KIAA0319L: variants seen among roughly 807,000 people sequenced by gnomAD.
The protein encoded by KIAA0319L is dyslexia-associated protein KIAA0319-like protein.
Under a neutral mutation model 120.1 loss-of-function variants are expected in KIAA0319L, and 55 were observed. The observed-to-expected ratio is 0.46, with a 90% CI of 0.37 to 0.57. KIAA0319L has a LOEUF of 0.57. Among genes scored for constraint, KIAA0319L ranks in the 20% least tolerant of loss-of-function variants. The pLI is 0.00. For missense variants in KIAA0319L, 1,049 were observed against 1,255.3 expected (o/e 0.84, Z 2.48); for synonymous variants, 398 against 471.9 (o/e 0.84, Z 2.03).
chr1:35,506,981 C>A lies in KIAA0319L; in HGVS notation c.297G>T (p.Trp99Cys), dbSNP rs961707038. 2.5e-6 allele frequency: 4 copies of A among 1,613,434 alleles called. No homozygotes were observed. The African/African-American group carries it at 5.3e-5, about 22-fold the overall frequency. Residue 99 changes from tryptophan to cysteine, a missense_variant, in exon 3 of 21, where the codon TGG (tryptophan) becomes TGT (cysteine). Physicochemically the swap from Trp to Cys is radical, Grantham distance 215 (BLOSUM62 -2). Coordinates refer to ENST00000325722, the MANE Select transcript of KIAA0319L (RefSeq NM_024874.5). This position sits in a 1 kb window ranked among gnomAD's most constrained non-coding sequence, Gnocchi z 4.0. ...CCQDSACHVF[W>C]WLEGMCIQAD... ...CCTGAATGCACATCCCTTCTAGCCACCAAAAGACATGGCAGGCAGAGTCCT... is the reference window on the plus strand; with the variant it reads ...CCTGAATGCACATCCCTTCTAGCCAACAAAAGACATGGCAGGCAGAGTCCT...
intron 14 of KIAA0319L, 56 bp downstream of exon 14, chr1:35,450,302 C>T (rs1013538070): frequency 1.8e-5 from 27 of 1,542,042 alleles, no homozygotes; most frequent in Non-Finnish European, 2.0e-5. Context: ...TACTGGAACG[C>T]GTGGCTCCTC....
chr1:35,444,804 A>ATCAAAGATTATCCATAGG (rs1553189778), intron 16 of KIAA0319L, among the ~76,000 whole-genome samples: 1 of 152,244 alleles, frequency 6.6e-6, no homozygotes, highest in African/African-American at 2.4e-5. Flanking sequence ...GTTGGACAGC[A>ATCAAAGATTATCCATAGG]TCACAACATA....
chr1:35,455,376 C>A (rs968075876), intron 10 of KIAA0319L, among the ~76,000 whole-genome samples: 1 of 152,054 alleles, frequency 6.6e-6, no homozygotes, highest in Non-Finnish European at 1.5e-5. Flanking sequence ...ATGTTACCTG[C>A]CTGGTGACAG....
At chr1:35,519,681 G>C (rs1189028075) in intron 2 of KIAA0319L, among the ~76,000 whole-genome samples, 1 of 152,028 alleles carries the variant, frequency 6.6e-6, no homozygotes, top group Non-Finnish European at 1.5e-5. Context: ...GCTCAAACCA[G>C]ACCAGTGAAA....
chr1:35,460,675 C>G (rs1248073209), intron 8 of KIAA0319L, among the ~76,000 whole-genome samples: 1 of 152,148 alleles, frequency 6.6e-6, no homozygotes, highest in African/African-American at 2.4e-5. Context: ...GGTTAAAATA[C>G]TACTGTATGA....
chr1:35,462,832 G>T, intron 7 of KIAA0319L, 119 bp from the exon 8 acceptor site: 1 of 780,226 alleles, frequency 1.3e-6, no homozygotes, highest in Non-Finnish European at 2.1e-6. Flanking sequence ...AGCCTTTTTG[G>T]CACCAGGGAC....
At chr1:35,443,127 T>C in intron 17 of KIAA0319L, 99 bp from the exon 18 acceptor site, 2 of 1,429,240 alleles carry the variant, frequency 1.4e-6, no homozygotes, top group South Asian at 2.5e-5. Context: ...CCCAGATTAA[T>C]GCTATGTGGT....
chr1:35,475,896 CTT>C (rs1387752398), intron 4 of KIAA0319L, among the ~76,000 whole-genome samples: 1 of 152,220 alleles, frequency 6.6e-6, no homozygotes, highest in Non-Finnish European at 1.5e-5. Context: ...GATTTTCCCT[CTT>C]GTGTTCCACA....
At position 35,479,080 on chromosome 1, in the gene KIAA0319L, C is replaced by G. The variant is rs749152633; in HGVS notation, c.799G>C (p.Val267Leu). The change falls in exon 4 of 21, where the codon GTA becomes CTA. Residue 267 changes from valine (V) to leucine (L), a missense_variant. Physicochemically the swap from Val to Leu is conservative, Grantham distance 32. Transcript: ENST00000325722. ...ATCTGGGTTTTCTCAGAACTTTTTA[C>G]TTGTTGAGTGCTGGGCGTAGTAGCA... ...GLATTPSTQQVKSSEKTQIAV... is the reference protein window; with the variant it reads ...GLATTPSTQQLKSSEKTQIAV... 3 of 1,614,162 alleles carry G rather than the reference C, an allele frequency of 1.9e-6. No individual in the cohort carries two copies. The Admixed American group carries it at 5.0e-5, about 27-fold the overall frequency.
chr1:35,554,647 A>G lies in KIAA0319L; in HGVS notation c.-28-128T>C. 1.1e-5 allele frequency: 6 copies of G among 548,284 alleles called. No homozygotes were observed. In the South Asian group the frequency reaches 2.3e-4, roughly 21 times the overall value. The allele number at this position is 548,284 out of a possible 1,614,324, so 34.0% of individuals were successfully genotyped here. Reference sequence around the variant, plus strand: ...TTTCAAGTTTGTCTTTAACGGCTCAACCCTGCCTATAAATTTTAAACCTGG... The same window carrying G: ...TTTCAAGTTTGTCTTTAACGGCTCAGCCCTGCCTATAAATTTTAAACCTGG... On this transcript the variant is annotated intron_variant, in intron 1 of 20. Transcript: ENST00000325722.
At chr1:35,486,904 C>CA (rs1035171388) in intron 3 of KIAA0319L, among the ~76,000 whole-genome samples, 1 of 151,770 alleles carries the variant, frequency 6.6e-6, no homozygotes, top group African/African-American at 2.4e-5. Context: ...GAATGAGACC[C>CA]AAAAAAACAA....
Position 35,511,268 on chromosome 1 carries a change from G to GA in KIAA0319L, c.143-4134dup, listed in dbSNP as rs529076220. On this transcript the variant is annotated intron_variant, in intron 2 of 20. Transcript: ENST00000325722. ...GACATCAAGGAATTCATACTGGGGG[G>GA]AAAAAAAAACAAAAAACCAAAAACC... The GA allele has an allele frequency of 9.9e-4, 147 of 148,934 alleles. No homozygotes were observed. In the South Asian group the frequency reaches 0.025, roughly 26 times the overall value. 9.2% of individuals were successfully genotyped at this position (148,934 alleles called of 1,614,324 possible). A position where few individuals can be genotyped will look rare whatever the true frequency, so the allele number is the denominator to read the frequency against.
At chr1:35,454,895 A>G (rs1362872777) in intron 10 of KIAA0319L, among the ~76,000 whole-genome samples, 1 of 152,182 alleles carries the variant, frequency 6.6e-6, no homozygotes, top group African/African-American at 2.4e-5. Flanking sequence ...GCTCCTAACA[A>G]AGCTGTCTCA....
At chr1:35,542,060 C>T (rs1191522610) in intron 2 of KIAA0319L, among the ~76,000 whole-genome samples, 1 of 152,166 alleles carries the variant, frequency 6.6e-6, no homozygotes, top group East Asian at 1.9e-4. Context: ...AGACAAAGCT[C>T]CCACTGGACA....
chr1:35,552,981 G>A (rs570714667), intron 2 of KIAA0319L, among the ~76,000 whole-genome samples: 2 of 152,234 alleles, frequency 1.3e-5, no homozygotes, highest in South Asian at 4.1e-4. Context: ...CAGCTACTCA[G>A]GAGGCTGCGG....
chr1:35,481,696 A>G (rs1240370222), intron 3 of KIAA0319L, among the ~76,000 whole-genome samples: 1 of 151,906 alleles, frequency 6.6e-6, no homozygotes, highest in East Asian at 1.9e-4. Context: ...TTATGTATGT[A>G]TACACATTTG....
chr1:35,510,726 C>G (rs989710913), intron 2 of KIAA0319L: 1 of 151,924 alleles, frequency 6.6e-6, no homozygotes, highest in Non-Finnish European at 1.5e-5. Flanking sequence ...CCTGACTCAG[C>G]CTCCCAAGAT....
rs563073090 is a variant in KIAA0319L, at chr1:35,477,579, A to G, written c.913+1387T>C. 3.3e-5 allele frequency among the ~76,000 whole-genome samples: 5 copies of G among 150,026 alleles called. No individual in the cohort carries two copies. In the East Asian group the frequency reaches 1.0e-3, roughly 31 times the overall value. On this transcript the variant is annotated intron_variant, in intron 4 of 20. Coordinates refer to ENST00000325722, the MANE Select transcript of KIAA0319L (RefSeq NM_024874.5). The stretch of plus-strand genomic sequence containing the variant: ...CTACTCGGGAGGCTGAGGCAGGAGA[A>G]TGGCATGAACCCAGGAGGCGCAGCT...
At chr1:35,554,627 AG>A in intron 1 of KIAA0319L, 108 bp from the exon 2 acceptor site, 2 of 775,456 alleles carry the variant, frequency 2.6e-6, no homozygotes, top group East Asian at 5.6e-5. Flanking sequence ...AAAAATTTCA[AG>A]TTTGTCTTTA....
Sources: gnomAD v4.1 joint callset for allele counts (sites outside exome capture counted in the v4.1 genomes callset) on GRCh38, gnomAD v4.1.1 for gene constraint, Gnocchi (gnomAD v3.1) non-coding constraint, MANE v1.5 for transcripts, NCBI Gene and HGNC (gene_info 2026-07-23, HGNC 2026-07-21) for gene names.